AP1G1: variants seen among roughly 807,000 people sequenced by gnomAD.
The protein encoded by AP1G1 is adaptor related protein complex 1 subunit gamma 1.
Under a neutral mutation model 108.3 loss-of-function variants are expected in AP1G1, and 7 were observed. The ratio of observed to expected loss-of-function variants is 0.06; its 90% CI spans 0.04 to 0.12. AP1G1 has a LOEUF of 0.12. AP1G1 is among the 10% of genes least tolerant of loss of function. AP1G1 has a pLI of 1.00. For missense variants in AP1G1, 756 were observed against 1,010.7 expected, an observed-to-expected ratio of 0.75 and a Z score of 3.42; for synonymous variants, 379 against 353.5, an observed-to-expected ratio of 1.07 and a Z score of -0.81.
chr16:71,807,938 G>C, intron 1 of AP1G1: 1 of 1,267,300 alleles, frequency 7.9e-7, no homozygotes, highest in Non-Finnish European at 1.0e-6. Flanking sequence ...CCACATATGA[G>C]AAAACATTTG....
intron 9 of AP1G1, among the ~76,000 whole-genome samples, chr16:71,763,325 C>T (rs964269838): frequency 6.6e-6 from 1 of 152,026 alleles, no homozygotes. Flanking sequence ...AATTCACAGA[C>T]GGAAAGTAGA....
chr16:71,787,187 C>T (rs2032233761), intron 2 of AP1G1, among the ~76,000 whole-genome samples: 1 of 151,888 alleles, frequency 6.6e-6, no homozygotes, highest in African/African-American at 2.4e-5. Context: ...GGTGTGGTGG[C>T]ACACACCTGT....
chr16:71,779,072 T>C (rs2031901973), intron 2 of AP1G1, among the ~76,000 whole-genome samples: 1 of 152,158 alleles, frequency 6.6e-6, no homozygotes, highest in Non-Finnish European at 1.5e-5. Flanking sequence ...ACACAATTAA[T>C]GGAAAACTTT....
intron 16 of AP1G1, 21 bp from the exon 17 acceptor site, chr16:71,746,713 G>T: frequency 6.4e-7 from 1 of 1,552,570 alleles, no homozygotes; most frequent in Non-Finnish European, 8.8e-7. Flanking sequence ...AATGACAAAC[G>T]AAATAAAATA....
rs111326955 is a variant in AP1G1 at position 71,752,950 on chromosome 16, A to G, written c.1284+883T>C. 3.6e-3 allele frequency among the ~76,000 whole-genome samples: 548 copies of G among 152,298 alleles called. 7 individuals carry two copies. Among genetic ancestry groups the G allele is most frequent in the African/African-American group, 0.013 (524 of 41,568 alleles). On this transcript the variant is annotated intron_variant, in intron 13 of 22. Coordinates refer to ENST00000299980, the MANE Select transcript of AP1G1 (RefSeq NM_001128.6). Reference sequence around the variant, plus strand: ...TCCATTAGAGTGGTATTTCCTATCAATTATAAATTATTCATAGATTGAATA... The same window carrying G: ...TCCATTAGAGTGGTATTTCCTATCAGTTATAAATTATTCATAGATTGAATA...
chr16:71,788,440 A>C (rs2032285400), intron 2 of AP1G1, among the ~76,000 whole-genome samples: 1 of 152,212 alleles, frequency 6.6e-6, no homozygotes, highest in African/African-American at 2.4e-5. Context: ...TCATTCTCAA[A>C]GCCCAGAATG....
At chr16:71,744,571 G>GTTT (rs71856788) in intron 19 of AP1G1, among the ~76,000 whole-genome samples, 14,454 of 114,254 alleles carry the variant, frequency 0.13, 1,620 homozygotes, top group South Asian at 0.36. Context: ...GAGAAAGTGT[G>GTTT]TTTTTTTTTT....
chr16:71,763,759 T>G (rs1327242906), intron 9 of AP1G1, among the ~76,000 whole-genome samples: 1 of 152,178 alleles, frequency 6.6e-6, no homozygotes, highest in East Asian at 1.9e-4. Flanking sequence ...TCTAGTAAAT[T>G]TGCTTTTTAC....
intron 6 of AP1G1, among the ~76,000 whole-genome samples, chr16:71,766,904 T>C (rs776517589): frequency 9.2e-5 from 14 of 152,342 alleles, no homozygotes; most frequent in African/African-American, 2.9e-4. Context: ...ATCTAAGCCA[T>C]GGAGATCTGT....
chr16:71,733,164 A>C lies in AP1G1; in HGVS notation c.2368-5T>G, dbSNP rs1235340776. The C allele has an allele frequency of 6.2e-7, 1 of 1,610,534 alleles. No individual in the cohort carries two copies. The highest frequency in any genetic ancestry group is 8.5e-7 in the Non-Finnish European group (1 of 1,176,910). On this transcript the variant is annotated splice_polypyrimidine_tract_variant and splice_region_variant and intron_variant, in intron 22 of 22. Coordinates refer to ENST00000299980, the MANE Select transcript of AP1G1 (RefSeq NM_001128.6). Reference sequence around the variant, plus strand: ...GATCCGCATTCGCAGCTGTTGCTATAAGAGGAAAAGAGAAGTGCAAATTAT... The same window carrying C: ...GATCCGCATTCGCAGCTGTTGCTATCAGAGGAAAAGAGAAGTGCAAATTAT...
Position 71,771,237 on chromosome 16 carries a change from C to G in AP1G1, c.484G>C (p.Val162Leu), listed in dbSNP as rs754575695. The G allele has an allele frequency of 1.2e-6, 2 of 1,601,912 alleles. No homozygotes were observed. The highest frequency in any genetic ancestry group is 1.7e-6 in the Non-Finnish European group (2 of 1,174,520). ...TCAGGAACTTTCCTGATGACATGAACAGCACACAGTGCTGCCTATGAAAAA... is the reference window on the plus strand; with the variant it reads ...TCAGGAACTTTCCTGATGACATGAAGAGCACACAGTGCTGCCTATGAAAAA... ...YLRKKAALCA[V>L]HVIRKVPELM... Residue 162 changes from valine to leucine, a missense_variant, in exon 5 of 23, where the codon GTT (valine) becomes CTT (leucine). Transcript: ENST00000299980.
intron 1 of AP1G1, among the ~76,000 whole-genome samples, chr16:71,804,222 T>C (rs2032916281): frequency 6.6e-6 from 1 of 151,188 alleles, no homozygotes; most frequent in South Asian, 2.1e-4. Context: ...AATTTTTCTA[T>C]TTTTTTGTAG....
chr16:71,746,981 C>T (rs1296630275), intron 16 of AP1G1: 1 of 194,514 alleles, frequency 5.1e-6, no homozygotes, highest in Admixed American at 5.8e-5. Flanking sequence ...ACTCCCTAAA[C>T]TTTGCTAGAC....
Position 71,769,719 on chromosome 16 carries a change from G to A in AP1G1, c.566-20C>T, listed in dbSNP as rs1292065779. On this transcript the variant is annotated intron_variant, in intron 5 of 22. Coordinates refer to ENST00000299980, the MANE Select transcript of AP1G1 (RefSeq NM_001128.6). Reference sequence around the variant, plus strand: ...GGACACCTGAAAGAAAAGATCAAAGGAAAACTAAAAATGAGGCCTATTATT... The same window carrying A: ...GGACACCTGAAAGAAAAGATCAAAGAAAAACTAAAAATGAGGCCTATTATT... The A allele has an allele frequency of 2.5e-6, 4 of 1,601,334 alleles. No homozygotes were observed. The East Asian group carries it at 8.9e-5, about 36-fold the overall frequency.
chr16:71,738,663 A>C (rs1295676982), intron 21 of AP1G1, among the ~76,000 whole-genome samples: 1 of 152,236 alleles, frequency 6.6e-6, no homozygotes, highest in African/African-American at 2.4e-5. Flanking sequence ...CAATGCCCTG[A>C]GCATTAACTG....
At chr16:71,804,624 T>G (rs1326255163) in intron 1 of AP1G1, among the ~76,000 whole-genome samples, 1 of 151,230 alleles carries the variant, frequency 6.6e-6, no homozygotes, top group Non-Finnish European at 1.5e-5. Flanking sequence ...ACCAGGCTAG[T>G]ATCAAACTCC....
intron 14 of AP1G1, 35 bp from the exon 15 acceptor site, chr16:71,750,018 T>A (rs754084127): frequency 6.4e-7 from 1 of 1,573,618 alleles, no homozygotes; most frequent in East Asian, 2.2e-5. Flanking sequence ...CTCAAGAACT[T>A]CAATTTTTCC....
chr16:71,733,320 G>C lies in AP1G1; in HGVS notation c.2368-161C>G, dbSNP rs146028279. On this transcript the variant is annotated intron_variant, in intron 22 of 22. Coordinates refer to ENST00000299980, the MANE Select transcript of AP1G1 (RefSeq NM_001128.6). The stretch of plus-strand genomic sequence containing the variant: ...ACAACAAAAAACACCCAGTACTCTA[G>C]GCTTGAGCCAAGAAGCTAACAATGT... Among the ~76,000 whole-genome samples the C allele has an allele frequency of 5.9e-5, 9 of 152,238 alleles. No individual in the cohort carries two copies. The East Asian group carries it at 1.7e-3, about 29-fold the overall frequency.
At chr16:71,735,857 C>A (rs1207420982) in intron 21 of AP1G1, among the ~76,000 whole-genome samples, 1 of 151,020 alleles carries the variant, frequency 6.6e-6, no homozygotes, top group African/African-American at 2.4e-5. Context: ...ATATATTACA[C>A]TGGGGGCTGG....
Sources: gnomAD v4.1 joint callset for allele counts (sites outside exome capture counted in the v4.1 genomes callset) on GRCh38, gnomAD v4.1.1 for gene constraint, MANE v1.5 for transcripts, NCBI Gene and HGNC (gene_info 2026-07-23, HGNC 2026-07-21) for gene names.